GSG1L: variants seen among roughly 807,000 people sequenced by gnomAD.
The protein encoded by GSG1L is GSG1 like.
Under a neutral mutation model 42.1 loss-of-function variants are expected in GSG1L, and 24 were observed. The ratio of observed to expected loss-of-function variants is 0.57; its 90% CI spans 0.41 to 0.80. The LOEUF is 0.80. Ranked by LOEUF, GSG1L falls within the 30% of genes least tolerant of loss-of-function variation. The pLI is 0.00. For missense variants in GSG1L, 445 were observed against 472.2 expected (o/e 0.94, Z 0.53); for synonymous variants, 215 against 203.5 (o/e 1.06, Z -0.48).
intron 1 of GSG1L, among the ~76,000 whole-genome samples, chr16:27,985,617 G>T (rs979691755): frequency 6.6e-6 from 1 of 152,054 alleles, no homozygotes; most frequent in African/African-American, 2.4e-5. Flanking sequence ...GCCGAGGTGG[G>T]CAGATCACCT....
intron 2 of GSG1L, among the ~76,000 whole-genome samples, chr16:27,929,895 C>G (rs546820715): frequency 6.6e-6 from 1 of 152,174 alleles, no homozygotes; most frequent in South Asian, 2.1e-4. Context: ...TTACCATTAC[C>G]TTCCTCTCCT....
chr16:27,946,584 AGAGAGAGAGAG>A (rs2084865427), intron 2 of GSG1L, among the ~76,000 whole-genome samples: 76 of 22,714 alleles, frequency 3.3e-3, no homozygotes, highest in African/African-American at 5.5e-3. Flanking sequence ...AAAGAAAGAG[AGAGAGAGAGAG>A]AGAGAGAGAG....
At chr16:27,949,994 C>T (rs2084933487) in intron 2 of GSG1L, among the ~76,000 whole-genome samples, 1 of 152,178 alleles carries the variant, frequency 6.6e-6, no homozygotes, top group African/African-American at 2.4e-5. Context: ...TCCAGCATAA[C>T]ACAGGCAGTG....
intron 3 of GSG1L, among the ~76,000 whole-genome samples, chr16:27,881,254 T>TTC (rs1333532611): frequency 6.7e-6 from 1 of 148,386 alleles, no homozygotes; most frequent in Admixed American, 6.8e-5. Flanking sequence ...TTTTTTTTTT[T>TTC]TTTTTGAGAT....
chr16:27,964,622 A>G (rs1312854445), intron 1 of GSG1L, among the ~76,000 whole-genome samples: 1 of 152,260 alleles, frequency 6.6e-6, no homozygotes, highest in African/African-American at 2.4e-5. Context: ...ATTTGCAACC[A>G]CATGGATGGA....
chr16:27,815,619 A>G (rs2083086414), intron 5 of GSG1L, among the ~76,000 whole-genome samples: 1 of 152,210 alleles, frequency 6.6e-6, no homozygotes, highest in Admixed American at 6.5e-5. Flanking sequence ...GGCACCCCAG[A>G]CGTGTCACAT....
chr16:27,969,124 TATAA>T (rs2085164518), intron 1 of GSG1L, among the ~76,000 whole-genome samples: 2 of 152,076 alleles, frequency 1.3e-5, no homozygotes, highest in South Asian at 2.1e-4. Flanking sequence ...AAATAAATAA[TATAA>T]ATAAATAAAT....
chr16:27,792,473 C>T (rs1259930971), intron 6 of GSG1L, among the ~76,000 whole-genome samples: 2 of 152,216 alleles, frequency 1.3e-5, no homozygotes, highest in African/African-American at 4.8e-5. Context: ...TGTCACCCCT[C>T]AAGTGTCTCT....
At chr16:28,008,788 T>G (rs555673610) in intron 1 of GSG1L, among the ~76,000 whole-genome samples, 9 of 152,008 alleles carry the variant, frequency 5.9e-5, no homozygotes, top group African/African-American at 2.2e-4. Context: ...GTCCAGAAAG[T>G]GGGGTGCAGT....
intron 1 of GSG1L, among the ~76,000 whole-genome samples, chr16:27,964,920 C>CA (rs2085112697): frequency 6.6e-6 from 1 of 152,108 alleles, no homozygotes; most frequent in African/African-American, 2.4e-5. Flanking sequence ...TTTTAAATGA[C>CA]AAAAAGAGTA....
chr16:27,987,232 A>G (rs957979329), intron 1 of GSG1L, among the ~76,000 whole-genome samples: 1 of 142,034 alleles, frequency 7.0e-6, no homozygotes, highest in East Asian at 2.1e-4. Flanking sequence ...AAAAAAAAAA[A>G]AGTTTTTAAA....
At chr16:27,805,892 G>A (rs2082955909) in intron 6 of GSG1L, among the ~76,000 whole-genome samples, 1 of 151,842 alleles carries the variant, frequency 6.6e-6, no homozygotes, top group Non-Finnish European at 1.5e-5. Context: ...CCAGTGGTAG[G>A]GACCTCCACC....
intron 2 of GSG1L, among the ~76,000 whole-genome samples, chr16:27,947,417 AAAG>A (rs1253951163): frequency 6.6e-6 from 1 of 151,004 alleles, no homozygotes; most frequent in Admixed American, 6.6e-5. Context: ...AGAAAGAAAG[AAAG>A]AAAGAAAGAG....
At position 27,948,609 on chromosome 16, in the gene GSG1L, C is replaced by CTT. The variant is rs202151239; in HGVS notation, c.397+14545_397+14546dup. ...GGCTGGTCTTGAACTTCTTCTTCTT[C>CTT]TTTTTTTTTTTTTTTTTTGAGATGG... On this transcript the variant is annotated intron_variant, in intron 2 of 6. Coordinates refer to ENST00000447459, the MANE Select transcript of GSG1L (RefSeq NM_001109763.2). Among the ~76,000 whole-genome samples the CTT allele has an allele frequency of 4.5e-4, 52 of 116,636 alleles. 2 individuals are homozygous for CTT. Among genetic ancestry groups the CTT allele is most frequent in the Non-Finnish European group, 7.6e-4 (43 of 56,224 alleles). The allele number at this position is 116,636 out of a possible 152,430, so 76.5% of individuals were successfully genotyped here. A position where few individuals can be genotyped will look rare whatever the true frequency, so the allele number is the denominator to read the frequency against.
At chr16:28,006,788 CAA>C (rs1264431264) in intron 1 of GSG1L, among the ~76,000 whole-genome samples, 13 of 152,162 alleles carry the variant, frequency 8.5e-5, no homozygotes, top group Non-Finnish European at 1.5e-4. Flanking sequence ...TCTGGTCAAC[CAA>C]GCCCTCCGGT....
chr16:27,859,739 G>A (rs745413498), intron 3 of GSG1L, among the ~76,000 whole-genome samples: 2 of 152,112 alleles, frequency 1.3e-5, no homozygotes, highest in African/African-American at 4.8e-5. Flanking sequence ...GCAGTGGCAC[G>A]ATCATAGCTC....
chr16:27,929,821 C>T (rs766044540), intron 2 of GSG1L, among the ~76,000 whole-genome samples: 54 of 152,270 alleles, frequency 3.5e-4, no homozygotes, highest in Non-Finnish European at 4.1e-4. Context: ...ACCAGCATGG[C>T]GTGAGCAAAC....
intron 3 of GSG1L, among the ~76,000 whole-genome samples, chr16:27,864,470 A>C (rs1226572374): frequency 1.3e-5 from 2 of 152,192 alleles, no homozygotes; most frequent in Non-Finnish European, 2.9e-5. Context: ...CTCTCTCCTA[A>C]GACAGCCACA....
intron 5 of GSG1L, among the ~76,000 whole-genome samples, chr16:27,812,330 G>T (rs1405816367): frequency 1.3e-5 from 2 of 152,198 alleles, no homozygotes; most frequent in African/African-American, 4.8e-5. Context: ...ATATGAAGAG[G>T]GTTGGCAGGG....
Sources: gnomAD v4.1 joint callset for allele counts (sites outside exome capture counted in the v4.1 genomes callset) on GRCh38, gnomAD v4.1.1 for gene constraint, MANE v1.5 for transcripts, NCBI Gene and HGNC (gene_info 2026-07-23, HGNC 2026-07-21) for gene names.